Variants in TMIGD3 observed in about 807,000 individuals in gnomAD.
TMIGD3 encodes the protein AD026 protein (AD026).
A neutral mutation model predicts 28.1 loss-of-function variants in TMIGD3; 21 were observed. The ratio of observed to expected loss-of-function variants is 0.75; its 90% CI spans 0.53 to 1.08. The LOEUF is 1.08. Among genes scored for constraint, TMIGD3 ranks in the 50% least tolerant of loss-of-function variants. TMIGD3 has a pLI of 0.00. For synonymous variants in TMIGD3, 151 were observed against 162.1 expected, an observed-to-expected ratio of 0.93 and a Z score of 0.52; for missense variants, 416 against 435.6, an observed-to-expected ratio of 0.96 and a Z score of 0.40.
At chr1:111,501,311 A>G (rs1370800942) in intron 1 of TMIGD3, 1 of 152,270 alleles carries the variant, frequency 6.6e-6, no homozygotes, top group Non-Finnish European at 1.5e-5. Context: ...AAAGGACAGT[A>G]AGAGTAAGAG....
At chr1:111,520,695 A>G (rs1372599377) in intron 1 of TMIGD3, among the ~76,000 whole-genome samples, 3 of 152,264 alleles carry the variant, frequency 2.0e-5, no homozygotes, top group Admixed American at 6.5e-5. Flanking sequence ...TTAGTGGATC[A>G]TGACCACATT....
intron 1 of TMIGD3, among the ~76,000 whole-genome samples, chr1:111,515,909 C>T (rs1655849436): frequency 6.6e-6 from 1 of 152,246 alleles, no homozygotes; most frequent in African/African-American, 2.4e-5. Flanking sequence ...AGCACAGCCC[C>T]AGCCCAGACT....
chr1:111,500,746 C>A, intron 1 of TMIGD3: 1 of 599,886 alleles, frequency 1.7e-6, no homozygotes. Context: ...GATACGAAGA[C>A]AAGATGAGCA....
At chr1:111,557,287 G>A (rs541517649) in intron 1 of TMIGD3, among the ~76,000 whole-genome samples, 7 of 152,234 alleles carry the variant, frequency 4.6e-5, no homozygotes, top group East Asian at 1.9e-4. Flanking sequence ...GGTGGCTCAC[G>A]CCTGTAATCC....
intron 1 of TMIGD3, among the ~76,000 whole-genome samples, chr1:111,532,495 G>A (rs1207261736): frequency 2.0e-5 from 3 of 152,152 alleles, no homozygotes; most frequent in Non-Finnish European, 4.4e-5. Flanking sequence ...CTTTTCCAGA[G>A]ACTCAGTCCC....
intron 1 of TMIGD3, among the ~76,000 whole-genome samples, chr1:111,545,725 G>A (rs1487037091): frequency 6.6e-6 from 1 of 152,052 alleles, no homozygotes; most frequent in African/African-American, 2.4e-5. Context: ...ATTTACACCT[G>A]TTTCCTTTGA....
Position 111,528,554 on chromosome 1 carries a change from T to C in TMIGD3, c.107+35292A>G, listed in dbSNP as rs1557836786. Among the ~76,000 whole-genome samples the C allele has an allele frequency of 2.6e-5, 4 of 152,310 alleles. No individual in the cohort carries two copies. In the East Asian group the frequency reaches 7.7e-4, roughly 29 times the overall value. On this transcript the variant is annotated intron_variant, in intron 1 of 5. Transcript: ENST00000369717. ...GTTTGTTAATATCCACAAAATAACT[T>C]GGTGGAATTTTCAGAACTATAGATA...
intron 1 of TMIGD3, among the ~76,000 whole-genome samples, chr1:111,502,248 T>TC (rs1571415650): frequency 1.3e-5 from 1 of 75,636 alleles, no homozygotes; most frequent in African/African-American, 6.0e-5. Context: ...AGGATATATT[T>TC]ATTATAATAA....
At chr1:111,502,073 ATAT>A (rs1655213376) in intron 1 of TMIGD3, among the ~76,000 whole-genome samples, 1 of 135,352 alleles carries the variant, frequency 7.4e-6, no homozygotes, top group Admixed American at 8.3e-5. Context: ...TAGGATATAT[ATAT>A]TATAATAAAT....
intron 1 of TMIGD3, among the ~76,000 whole-genome samples, chr1:111,527,326 A>G (rs560079320): frequency 3.9e-5 from 6 of 152,182 alleles, no homozygotes; most frequent in Admixed American, 1.3e-4. Context: ...ATGTCTTTCC[A>G]TAGTTTGATA....
intron 1 of TMIGD3, among the ~76,000 whole-genome samples, chr1:111,520,473 T>A (rs1359967987): frequency 6.6e-6 from 1 of 152,188 alleles, no homozygotes; most frequent in Non-Finnish European, 1.5e-5. Context: ...ACTGGAAGAT[T>A]AGGACTTTTA....
intron 1 of TMIGD3, among the ~76,000 whole-genome samples, chr1:111,517,850 C>T (rs939691751): frequency 2.0e-5 from 3 of 152,178 alleles, no homozygotes; most frequent in African/African-American, 7.2e-5. Flanking sequence ...ACATCAAAAA[C>T]TTCAGAGCTT....
chr1:111,494,278 G>A (rs201175456), intron 1 of TMIGD3, among the ~76,000 whole-genome samples: 1 of 152,242 alleles, frequency 6.6e-6, no homozygotes, highest in East Asian at 1.9e-4. Context: ...AACTATCCAT[G>A]TTTCTGGATG....
intron 1 of TMIGD3, among the ~76,000 whole-genome samples, chr1:111,501,962 A>G (rs193049175): frequency 1.3e-5 from 2 of 149,380 alleles, no homozygotes; most frequent in Admixed American, 1.4e-4. Context: ...TTACGAAAAA[A>G]GCTCTCACAT....
chr1:111,513,723 CCCCT>C, intron 1 of TMIGD3, among the ~76,000 whole-genome samples: 1 of 152,280 alleles, frequency 6.6e-6, no homozygotes, highest in South Asian at 2.1e-4. Flanking sequence ...CATCCTATGC[CCCCT>C]CCCTCCCTCT....
chr1:111,525,233 T>C (rs1340641859), intron 1 of TMIGD3, among the ~76,000 whole-genome samples: 3 of 152,234 alleles, frequency 2.0e-5, no homozygotes, highest in Non-Finnish European at 4.4e-5. Flanking sequence ...TGACTTCCTG[T>C]CTACTTGTTC....
intron 1 of TMIGD3, among the ~76,000 whole-genome samples, chr1:111,522,547 C>T (rs564789728): frequency 1.0e-4 from 15 of 146,576 alleles, no homozygotes; most frequent in Non-Finnish European, 1.5e-4. Context: ...GACAGAGTCT[C>T]GCTCTGTCAC....
chr1:111,549,558 G>A (rs1657174845), intron 1 of TMIGD3, among the ~76,000 whole-genome samples: 1 of 151,440 alleles, frequency 6.6e-6, no homozygotes, highest in South Asian at 2.1e-4. Flanking sequence ...GCTGAGACAG[G>A]AGAATCGCTT....
chr1:111,513,536 G>A (rs1235355344), intron 1 of TMIGD3, among the ~76,000 whole-genome samples: 1 of 152,204 alleles, frequency 6.6e-6, no homozygotes, highest in Non-Finnish European at 1.5e-5. Flanking sequence ...CCTCAGGGCT[G>A]GGCTGGGGAG....
Sources: allele counts gnomAD v4.1 joint callset (sites outside exome capture counted in the v4.1 genomes callset), GRCh38; gene constraint gnomAD v4.1.1; transcripts MANE v1.5; gene names NCBI Gene and HGNC (gene_info 2026-07-23, HGNC 2026-07-21).